Variants in COL16A1 observed in about 807,000 individuals in gnomAD.
COL16A1 encodes the protein collagen alpha-1(XVI) chain.
A neutral mutation model predicts 266.3 loss-of-function variants in COL16A1; 189 were observed. The ratio of observed to expected loss-of-function variants is 0.71; its 90% CI spans 0.63 to 0.80. COL16A1 has a LOEUF of 0.80. COL16A1 is among the 30% of genes least tolerant of loss of function. COL16A1 has a pLI of 0.00. For missense variants in COL16A1, 1,928 were observed against 2,122.4 expected (o/e 0.91, Z 1.80); for synonymous variants, 740 against 782.3 (o/e 0.95, Z 0.90).
rs978635528 is a variant in COL16A1 at position 31,660,932 on chromosome 1, G to C, written c.3825+134C>G. ...AGAAAGTTCAAGACGTGCAGTGTTG[G>C]GTGACACCCCTCCCAGAAGGCTGAG... On this transcript the variant is annotated intron_variant, in intron 61 of 70. Coordinates refer to ENST00000373672, the MANE Select transcript of COL16A1 (RefSeq NM_001856.4). 6.8e-6 allele frequency: 7 copies of C among 1,025,368 alleles called. No individual in the cohort carries two copies. The African/African-American group carries it at 9.7e-5, about 14-fold the overall frequency. 63.5% of individuals were successfully genotyped at this position (1,025,368 alleles called of 1,614,324 possible). A position where few individuals can be genotyped will look rare whatever the true frequency, so the allele number is the denominator to read the frequency against.
intron 27 of COL16A1, 42 bp downstream of exon 27, chr1:31,686,202 C>T (rs1325576595): frequency 6.2e-7 from 1 of 1,614,174 alleles, no homozygotes; most frequent in Non-Finnish European, 8.5e-7. Flanking sequence ...GCCCCTCCCA[C>T]CTTGTCCTCT....
Position 31,680,080 on chromosome 1 carries a change from A to G in COL16A1, c.2632T>C (p.Cys878Arg), listed in dbSNP as rs749427591. 1 of 1,613,908 alleles carries G rather than the reference A, an allele frequency of 6.2e-7. No individual in the cohort carries two copies. The highest frequency in any genetic ancestry group is 8.5e-7 in the Non-Finnish European group (1 of 1,179,902). Residue 878 changes from cysteine to arginine, a missense_variant, in exon 40 of 71, where the codon TGC becomes CGC. Cys to Arg is a radical substitution (Grantham distance 180). Around this residue, in one of 2 missense-constraint regions of COL16A1, gnomAD observed 1,552 missense variants for 1,637.2 expected, o/e 0.95. Coordinates refer to ENST00000373672, the MANE Select transcript of COL16A1 (RefSeq NM_001856.4). ...GEKGEPGECSCPSQGDLIFSG... is the reference protein window; with the variant it reads ...GEKGEPGECSRPSQGDLIFSG... Reference sequence around the variant, plus strand: ...AAGATGAGGTCTCCTTGAGAGGGGCAGGAGCACTCCCCTGGCTCACCCTGA... The same window carrying G: ...AAGATGAGGTCTCCTTGAGAGGGGCGGGAGCACTCCCCTGGCTCACCCTGA...
chr1:31,657,325 G>C lies in COL16A1; in HGVS notation c.4021-257C>G. ...TACAAGGGAAGAACAGACCGTGCCT[G>C]CCTTGCTGTGTGCTTGGATCCTGGC... On this transcript the variant is annotated intron_variant, in intron 64 of 70. Transcript: ENST00000373672. The surrounding 1 kb of genome is among the most constrained non-coding windows in gnomAD (Gnocchi z 6.4). 3 of 553,828 alleles carry C rather than the reference G, an allele frequency of 5.4e-6. 1 individual carries two copies. In the South Asian group the frequency reaches 7.3e-5, roughly 13 times the overall value. The allele number at this position is 553,828 out of a possible 1,614,324, so 34.3% of individuals were successfully genotyped here.
At chr1:31,689,006 C>T in intron 24 of COL16A1, 35 bp from the exon 25 acceptor site, 1 of 1,614,028 alleles carries the variant, frequency 6.2e-7, no homozygotes, top group South Asian at 1.1e-5. Flanking sequence ...GAAATGCTTC[C>T]AGGTAGGCAG....
rs1420786866 is a variant in COL16A1 at position 31,670,786 on chromosome 1, T to G, written c.3151-140A>C. The G allele has an allele frequency of 6.4e-6, 4 of 626,048 alleles. No homozygotes were observed. Among genetic ancestry groups the G allele is most frequent in the Admixed American group, 8.7e-5 (2 of 23,066 alleles). 38.8% of individuals were successfully genotyped at this position (626,048 alleles called of 1,614,324 possible). A position where few individuals can be genotyped will look rare whatever the true frequency, so the allele number is the denominator to read the frequency against. ...CAAGGCAGCTGGAAAAGAGACTCCT[T>G]GAAAGTCTTGGCTCAAAAGACAACT... On this transcript the variant is annotated intron_variant, in intron 48 of 70. Transcript: ENST00000373672. The surrounding 1 kb of genome is among the most constrained non-coding windows in gnomAD (Gnocchi z 4.5).
Position 31,657,193 on chromosome 1 carries a change from C to T in COL16A1, c.4021-125G>A. 8.4e-7 allele frequency: 1 copy of T among 1,188,722 alleles called. No individual in the cohort carries two copies. The highest frequency in any genetic ancestry group is 1.2e-6 in the Non-Finnish European group (1 of 806,530). 73.6% of individuals were successfully genotyped at this position (1,188,722 alleles called of 1,614,324 possible). ...CCAGAGGCCACGATCCTCCAGCCCT[C>T]ACCCTCTGACAATCTGGGCACAGGC... On this transcript the variant is annotated intron_variant, in intron 64 of 70. Coordinates refer to ENST00000373672, the MANE Select transcript of COL16A1 (RefSeq NM_001856.4). The surrounding 1 kb of genome is among the most constrained non-coding windows in gnomAD (Gnocchi z 6.4).
At chr1:31,666,320 C>A (rs1642141682) in intron 52 of COL16A1, 2 of 563,548 alleles carry the variant, frequency 3.5e-6, no homozygotes, top group East Asian at 6.0e-5. Context: ...CAAATGGCTG[C>A]CCTCTTCTCC....
Position 31,692,782 on chromosome 1 carries a change from C to T in COL16A1, c.1098G>A (p.Pro366=), listed in dbSNP as rs372373515. The part of the protein sequence containing the change: ...ARGNDCVRIS[P]DAPLQCAEGP... The stretch of plus-strand genomic sequence containing the variant: ...CAAGTCTTACCTGAAGTGGGGCATC[C>T]GGGGAGATTCGAACACAGTCATTGC... Residue 366 remains proline, a synonymous_variant, in exon 14 of 71, where the codon CCG becomes CCA. Transcript: ENST00000373672. The T allele has an allele frequency of 1.2e-5, 20 of 1,613,836 alleles. No individual in the cohort carries two copies. The highest frequency in any genetic ancestry group is 4.5e-5 in the East Asian group (2 of 44,874).
chr1:31,653,746 A>AAC (rs3841648), intron 69 of COL16A1, 70 bp from the exon 70 acceptor site: 46,829 of 1,451,266 alleles, frequency 0.032, 503 homozygotes, highest in African/African-American at 0.13. Context: ...GATTACTTGA[A>AAC]ACACACACAC....
chr1:31,653,674 A>G lies in COL16A1; in HGVS notation c.4537T>C (p.Leu1513=), dbSNP rs1640832765. 6.2e-7 allele frequency: 1 copy of G among 1,612,404 alleles called. No individual in the cohort carries two copies. The highest frequency in any genetic ancestry group is 2.2e-5 in the East Asian group (1 of 44,860). The change falls in exon 70 of 71, where the codon TTG becomes CTG. Residue 1513 remains leucine, a splice_region_variant and synonymous_variant. Transcript: ENST00000373672. ...CCTTTTTCACCTTTGGTACCAGGCA[A>G]TCCTGGAACAAAAGAAATAAATAAG... The part of the protein sequence containing the change: ...GRQGLPGVRG[L]PGTKGEKGDI...
chr1:31,692,813 GA>G lies in COL16A1; in HGVS notation c.1072-6del. The G allele has an allele frequency of 6.2e-7, 1 of 1,613,684 alleles. No homozygotes were observed. The highest frequency in any genetic ancestry group is 8.5e-7 in the Non-Finnish European group (1 of 1,179,584). ...GATTCGAACACAGTCATTGCCCTGGGAGTAGGGAACAAGGGATCAGGGGTGG... is the reference window on the plus strand; with the variant it reads ...GATTCGAACACAGTCATTGCCCTGGGGTAGGGAACAAGGGATCAGGGGTGG... On this transcript the variant is annotated splice_region_variant and splice_polypyrimidine_tract_variant and intron_variant, in intron 13 of 70. Coordinates refer to ENST00000373672, the MANE Select transcript of COL16A1 (RefSeq NM_001856.4).
intron 11 of COL16A1, 32 bp from the exon 12 acceptor site, chr1:31,694,202 C>G (rs1644398067): frequency 6.4e-7 from 1 of 1,562,996 alleles, no homozygotes; most frequent in South Asian, 1.2e-5. Context: ...CATCACACTT[C>G]CGGTAGAGAG....
chr1:31,662,761 C>A, intron 56 of COL16A1, 103 bp from the exon 57 acceptor site: 1 of 1,238,170 alleles, frequency 8.1e-7, no homozygotes. Context: ...CTGGTGACTG[C>A]TGGAAACAGG....
At chr1:31,695,130 C>T (rs752234441) in intron 11 of COL16A1, 56 bp downstream of exon 11, 4 of 1,600,600 alleles carry the variant, frequency 2.5e-6, no homozygotes, top group Non-Finnish European at 1.7e-6. Context: ...CAGCTCTAGG[C>T]AACGTCCACT....
intron 42 of COL16A1, chr1:31,679,413 C>G (rs770737164): frequency 6.4e-7 from 1 of 1,553,206 alleles, no homozygotes; most frequent in Non-Finnish European, 8.7e-7. Context: ...GCTGACGCAA[C>G]AGTGCATTGC....
At chr1:31,699,623 G>A (rs1243271586) in intron 4 of COL16A1, among the ~76,000 whole-genome samples, 190 bp downstream of exon 4, 1 of 152,216 alleles carries the variant, frequency 6.6e-6, no homozygotes, top group Non-Finnish European at 1.5e-5. Flanking sequence ...AAGACAGAAG[G>A]TAGGTCTGCC....
Position 31,670,564 on chromosome 1 carries a change from CG to C in COL16A1, c.3195+37del, listed in dbSNP as rs914789652. Reference sequence around the variant, plus strand: ...GCAAAAGCCACAGAGACCTGGCTGACGGGGGGGAGGGGAGGTCGAGCAGCGC... The same window carrying C: ...GCAAAAGCCACAGAGACCTGGCTGACGGGGGGAGGGGAGGTCGAGCAGCGC... On this transcript the variant is annotated intron_variant, in intron 49 of 70. Transcript: ENST00000373672. This position sits in a 1 kb window ranked among gnomAD's most constrained non-coding sequence, Gnocchi z 4.5. The C allele has an allele frequency of 1.5e-6, 2 of 1,355,908 alleles. No individual in the cohort carries two copies. The highest frequency in any genetic ancestry group is 1.9e-5 in the South Asian group (1 of 51,412). 84.0% of individuals were successfully genotyped at this position (1,355,908 alleles called of 1,614,324 possible). A position where few individuals can be genotyped will look rare whatever the true frequency, so the allele number is the denominator to read the frequency against.
intron 37 of COL16A1, among the ~76,000 whole-genome samples, chr1:31,682,421 T>C (rs780302868): frequency 1.3e-5 from 2 of 152,216 alleles, no homozygotes; most frequent in Non-Finnish European, 2.9e-5. Context: ...TCACTTAAAA[T>C]TGAGTTCCTC....
Position 31,668,187 on chromosome 1 carries a change from G to C in COL16A1, c.3281C>G (p.Ala1094Gly). The C allele has an allele frequency of 6.2e-7, 1 of 1,612,656 alleles. No individual in the cohort carries two copies. The highest frequency in any genetic ancestry group is 8.5e-7 in the Non-Finnish European group (1 of 1,179,346). ...CACAGGCAGTCCTGGGGGGCCCGTGGCACCTGGGTAACCTGGTTGCCCTGG... is the reference window on the plus strand; with the variant it reads ...CACAGGCAGTCCTGGGGGGCCCGTGCCACCTGGGTAACCTGGTTGCCCTGG... The part of the protein sequence containing the change: ...GPPGQPGYPG[A>G]TGPPGLPGIK... Residue 1094 changes from alanine to glycine, a missense_variant, in exon 51 of 71, where the codon GCC becomes GGC. This residue lies in a region of COL16A1 where 1,552 missense variants were observed against 1,637.2 expected (regional missense o/e 0.95). Transcript: ENST00000373672. The surrounding 1 kb of genome is among the most constrained non-coding windows in gnomAD (Gnocchi z 5.8).
Sources: allele counts gnomAD v4.1 joint callset (sites outside exome capture counted in the v4.1 genomes callset), GRCh38; gene constraint gnomAD v4.1.1; regional missense constraint gnomAD v4.1.1; non-coding constraint Gnocchi (gnomAD v3.1); transcripts MANE v1.5; gene names NCBI Gene and HGNC (gene_info 2026-07-23, HGNC 2026-07-21).